CDH1: variants seen among roughly 807,000 people sequenced by gnomAD.
CDH1 encodes the protein cadherin 1, also known as cadherin-1.
A neutral mutation model predicts 84.5 loss-of-function variants in CDH1; 35 were observed. The ratio of observed to expected loss-of-function variants is 0.41; its 90% confidence interval spans 0.32 to 0.55. The LOEUF is 0.55. Among genes scored for constraint, CDH1 ranks in the 20% least tolerant of loss-of-function variants. CDH1 has a pLI of 0.19. For synonymous variants in CDH1, 417 were observed against 439.0 expected, an observed-to-expected ratio of 0.95 and a Z score of 0.63; for missense variants, 994 against 1,126.6, an observed-to-expected ratio of 0.88 and a Z score of 1.68.
At chr16:68,780,624 C>T (rs995576314) in intron 2 of CDH1, among the ~76,000 whole-genome samples, 1 of 152,142 alleles carries the variant, frequency 6.6e-6, no homozygotes, top group Admixed American at 6.5e-5. Flanking sequence ...GCGTTTACTA[C>T]CTTATTGTAT....
At chr16:68,755,638 C>T (rs1482310113) in intron 2 of CDH1, among the ~76,000 whole-genome samples, 2 of 152,042 alleles carry the variant, frequency 1.3e-5, no homozygotes, top group African/African-American at 2.4e-5. Flanking sequence ...TGACCTGCCA[C>T]TTTAGGAACA....
chr16:68,825,111 TA>T (rs142770337), intron 13 of CDH1, among the ~76,000 whole-genome samples: 14,333 of 152,114 alleles, frequency 0.094, 837 homozygotes, highest in Non-Finnish European at 0.13. Context: ...ATTTTTTTAT[TA>T]AAAAAAATTT....
chr16:68,834,540 A>T lies in CDH1; in HGVS notation c.*1041A>T. 3.9e-6 allele frequency: 1 copy of T among 258,154 alleles called. No individual in the cohort carries two copies. The highest frequency in any genetic ancestry group is 7.5e-6 in the Non-Finnish European group (1 of 132,692). The allele number at this position is 258,154 out of a possible 1,614,324, so 16.0% of individuals were successfully genotyped here. The stretch of plus-strand genomic sequence containing the variant: ...CCTCCATGTTTTAATATCAACTCTC[A>T]CTCCTGAATTCAGTTGCTTTGCCCA... On this transcript the variant is annotated 3_prime_UTR_variant, in exon 16 of 16. Coordinates refer to ENST00000261769, the MANE Select transcript of CDH1 (RefSeq NM_004360.5).
At position 68,794,995 on chromosome 16, in the gene CDH1, C is replaced by T. The variant is rs184866587; in HGVS notation, c.164-6675C>T. On this transcript the variant is annotated intron_variant, in intron 2 of 15. Coordinates refer to ENST00000261769, the MANE Select transcript of CDH1 (RefSeq NM_004360.5). ...GCGTGAGCCACCGCACCTGGCCAAC[C>T]GGGCTAACTTTTTAGATTTTCTTTT... is the stretch of plus-strand genomic sequence containing the variant. Among the ~76,000 whole-genome samples, 660 of 152,136 alleles carry T rather than the reference C, an allele frequency of 4.3e-3. 7 individuals carry two copies. The highest frequency in any genetic ancestry group is 4.0e-3 in the Non-Finnish European group (275 of 68,004).
intron 2 of CDH1, among the ~76,000 whole-genome samples, chr16:68,779,655 G>A (rs535467903): frequency 1.6e-4 from 25 of 152,140 alleles, no homozygotes; most frequent in Non-Finnish European, 3.2e-4. Flanking sequence ...TCAAGAGATC[G>A]AGACCATCCT....
At chr16:68,784,768 G>T (rs1238890551) in intron 2 of CDH1, among the ~76,000 whole-genome samples, 1 of 151,196 alleles carries the variant, frequency 6.6e-6, no homozygotes, top group Non-Finnish European at 1.5e-5. Flanking sequence ...TTCCATTCCT[G>T]AGTTACTTCA....
At chr16:68,782,774 G>A (rs548438503) in intron 2 of CDH1, among the ~76,000 whole-genome samples, 14 of 152,156 alleles carry the variant, frequency 9.2e-5, no homozygotes, top group Admixed American at 5.2e-4. Flanking sequence ...CAGTGAGCCC[G>A]TTTCCTGCCC....
intron 10 of CDH1, among the ~76,000 whole-genome samples, chr16:68,818,552 T>A (rs1333423125): frequency 4.8e-4 from 68 of 141,632 alleles, no homozygotes; most frequent in African/African-American, 1.8e-3. Flanking sequence ...TTTTTTTTTT[T>A]AAAGACGGAG....
intron 3 of CDH1, 110 bp from the exon 4 acceptor site, chr16:68,808,312 CTG>C: frequency 9.2e-7 from 1 of 1,084,416 alleles, no homozygotes; most frequent in East Asian, 2.4e-5. Context: ...TAAATTCAAA[CTG>C]TACACTGCCC....
At position 68,834,114 on chromosome 16, in the gene CDH1, G is replaced by C. The variant is rs148655354; in HGVS notation, c.*615G>C. ...TGGGACCACAGGCATGCACCACTAC[G>C]CATGACTAATTTTTTAAATATTTGA... On this transcript the variant is annotated 3_prime_UTR_variant, in exon 16 of 16. Coordinates refer to ENST00000261769, the MANE Select transcript of CDH1 (RefSeq NM_004360.5). 4.6e-6 allele frequency: 2 copies of C among 433,160 alleles called. No homozygotes were observed. The highest frequency in any genetic ancestry group is 2.7e-5 in the Admixed American group (1 of 37,146). 26.8% of individuals were successfully genotyped at this position (433,160 alleles called of 1,614,324 possible). A position where few individuals can be genotyped will look rare whatever the true frequency, so the allele number is the denominator to read the frequency against.
intron 2 of CDH1, among the ~76,000 whole-genome samples, chr16:68,762,963 T>C (rs1175713579): frequency 6.7e-6 from 1 of 148,544 alleles, no homozygotes; most frequent in Admixed American, 6.7e-5. Flanking sequence ...CAGCTGAGCT[T>C]AGATGGATCT....
chr16:68,827,390 A>G (rs1197604709), intron 13 of CDH1, among the ~76,000 whole-genome samples: 2 of 152,008 alleles, frequency 1.3e-5, no homozygotes, highest in African/African-American at 2.4e-5. Flanking sequence ...TTCACAGTGA[A>G]TAATATATGT....
In CDH1 at chr16:68,834,038, C is replaced by T. The variant is rs1201773573; in HGVS notation, c.*539C>T. ...GTGGTGCAATCACAGCTCACTGCAG[C>T]CTTGTCCTCCCAGGCTCAAGCTATC... On this transcript the variant is annotated 3_prime_UTR_variant, in exon 16 of 16. Coordinates refer to ENST00000261769, the MANE Select transcript of CDH1 (RefSeq NM_004360.5). 1 of 374,122 alleles carries T rather than the reference C, an allele frequency of 2.7e-6. No homozygotes were observed. Among genetic ancestry groups the T allele is most frequent in the East Asian group, 5.0e-5 (1 of 19,820 alleles). 23.2% of individuals were successfully genotyped at this position (374,122 alleles called of 1,614,324 possible). A position where few individuals can be genotyped will look rare whatever the true frequency, so the allele number is the denominator to read the frequency against.
At chr16:68,782,472 A>G (rs753724129) in intron 2 of CDH1, among the ~76,000 whole-genome samples, 9 of 152,264 alleles carry the variant, frequency 5.9e-5, no homozygotes, top group African/African-American at 9.6e-5. Context: ...TGAAGAGGAA[A>G]CTAAGACTCA....
chr16:68,820,605 C>T (rs533454396), intron 11 of CDH1, among the ~76,000 whole-genome samples: 54 of 152,294 alleles, frequency 3.5e-4, no homozygotes, highest in African/African-American at 1.3e-3. Flanking sequence ...CCACCTTGGC[C>T]TCCCAGAGTG....
rs371854327 is a variant in CDH1, at chr16:68,757,884, C to T, written c.163+19473C>T. Among the ~76,000 whole-genome samples, 18 of 151,598 alleles carry T rather than the reference C, an allele frequency of 1.2e-4. 1 individual carries two copies. Among genetic ancestry groups the T allele is most frequent in the African/African-American group, 3.9e-4 (16 of 41,338 alleles). On this transcript the variant is annotated intron_variant, in intron 2 of 15. Transcript: ENST00000261769. ...TTTGGCTCACTGCAACCTCTGCCTCCTGGGCTCAAGTCATCCCCATCCTCC... is the reference window on the plus strand; with the variant it reads ...TTTGGCTCACTGCAACCTCTGCCTCTTGGGCTCAAGTCATCCCCATCCTCC...
At chr16:68,828,579 G>A (rs936488035) in intron 14 of CDH1, among the ~76,000 whole-genome samples, 4 of 152,190 alleles carry the variant, frequency 2.6e-5, no homozygotes, top group Non-Finnish European at 5.9e-5. Flanking sequence ...ACACAGCTAG[G>A]AAGCGACAGG....
chr16:68,766,410 G>A (rs1156593192), intron 2 of CDH1, among the ~76,000 whole-genome samples: 2 of 152,092 alleles, frequency 1.3e-5, no homozygotes, highest in Middle Eastern at 3.2e-3. Context: ...GAGAAAACTG[G>A]CCCAGGCTCT....
At chr16:68,760,959 G>C (rs1959215506) in intron 2 of CDH1, among the ~76,000 whole-genome samples, 1 of 152,198 alleles carries the variant, frequency 6.6e-6, no homozygotes, top group Non-Finnish European at 1.5e-5. Flanking sequence ...GACCTCCTGT[G>C]CAGAGACTGG....
Sources: gnomAD v4.1 joint callset for allele counts (sites outside exome capture counted in the v4.1 genomes callset) on GRCh38, gnomAD v4.1.1 for gene constraint, MANE v1.5 for transcripts, NCBI Gene and HGNC (gene_info 2026-07-23, HGNC 2026-07-21) for gene names.